Variants in MYRIP observed in about 807,000 individuals in gnomAD.
MYRIP encodes the protein rab effector MyRIP.
Under a neutral mutation model 98.0 loss-of-function variants are expected in MYRIP, and 49 were observed. That is an observed-to-expected ratio of 0.50 (90% CI 0.40 to 0.63). The LOEUF (loss-of-function observed/expected upper bound fraction) is 0.63. Among genes scored for constraint, MYRIP ranks in the 30% least tolerant of loss-of-function variants. The probability of loss-of-function intolerance (pLI) is 0.00; values close to 1 mark genes in which losing one functional copy is unlikely to be tolerated. For missense variants in MYRIP, 1,004 were observed against 1,058.2 expected (o/e 0.95, Z 0.71); for synonymous variants, 404 against 409.5 (o/e 0.99, Z 0.16).
chr3:39,920,875 C>T (rs1368514817), intron 2 of MYRIP, among the ~76,000 whole-genome samples: 2 of 152,136 alleles, frequency 1.3e-5, no homozygotes, highest in African/African-American at 4.8e-5. Context: ...GTCACAAGGG[C>T]CAGTCCTCCT....
chr3:40,151,246 C>T, intron 4 of MYRIP, 62 bp downstream of exon 4: 1 of 1,520,734 alleles, frequency 6.6e-7, no homozygotes, highest in South Asian at 1.3e-5. Flanking sequence ...AGGCCTGGCT[C>T]AGGGGCCCTG....
intron 1 of MYRIP, among the ~76,000 whole-genome samples, chr3:39,842,649 A>T (rs1460779259): frequency 2.0e-5 from 3 of 152,120 alleles, no homozygotes; most frequent in African/African-American, 4.8e-5. Context: ...AAAGCCCAGT[A>T]TCTGGGCTGG....
chr3:40,072,375 A>AT (rs1392623918), intron 3 of MYRIP, among the ~76,000 whole-genome samples: 2 of 151,682 alleles, frequency 1.3e-5, no homozygotes, highest in Non-Finnish European at 2.9e-5. Context: ...CACCCAGCTA[A>AT]TTTTTTGTAT....
intron 2 of MYRIP, among the ~76,000 whole-genome samples, chr3:39,925,011 A>G (rs1287942938): frequency 6.6e-6 from 1 of 151,878 alleles, no homozygotes; most frequent in Non-Finnish European, 1.5e-5. Flanking sequence ...AAAGAGGAAT[A>G]GTCTCAGACC....
intron 2 of MYRIP, among the ~76,000 whole-genome samples, chr3:40,005,654 G>A (rs1286181102): frequency 6.6e-6 from 1 of 152,294 alleles, no homozygotes; most frequent in East Asian, 1.9e-4. Context: ...TATTAGCTGT[G>A]TTGCTTCTCA....
chr3:40,047,645 T>C lies in MYRIP; in HGVS notation c.332+3374T>C, dbSNP rs1175361774. On this transcript the variant is annotated intron_variant, in intron 3 of 16. Coordinates refer to ENST00000302541, the MANE Select transcript of MYRIP (RefSeq NM_015460.4). ...TGGAGAAATTTTGTTCATTCCCTATTTTTCTGTATTGCTCAATTCAATCAC... is the reference window on the plus strand; with the variant it reads ...TGGAGAAATTTTGTTCATTCCCTATCTTTCTGTATTGCTCAATTCAATCAC... Among the ~76,000 whole-genome samples, 5 of 152,192 alleles carry C rather than the reference T, an allele frequency of 3.3e-5. No individual in the cohort carries two copies. The East Asian group carries it at 7.7e-4, about 23-fold the overall frequency.
At chr3:40,194,795 A>G (rs1026827363) in intron 10 of MYRIP, among the ~76,000 whole-genome samples, 7 of 152,112 alleles carry the variant, frequency 4.6e-5, no homozygotes, top group Non-Finnish European at 1.0e-4. Context: ...ATTTTTAATT[A>G]TCTTATACAT....
intron 2 of MYRIP, among the ~76,000 whole-genome samples, chr3:39,914,373 TA>T (rs1559520394): frequency 6.6e-6 from 1 of 151,988 alleles, no homozygotes; most frequent in African/African-American, 2.4e-5. Flanking sequence ...ATCAATCCAT[TA>T]AAAAAGATAC....
chr3:40,174,049 A>G (rs1206690408), intron 8 of MYRIP: 2 of 152,206 alleles, frequency 1.3e-5, no homozygotes, highest in East Asian at 3.9e-4. Flanking sequence ...TTCACAAGAT[A>G]TGTCCACCTT....
At chr3:39,953,128 C>CA (rs540922695) in intron 2 of MYRIP, among the ~76,000 whole-genome samples, 3 of 152,250 alleles carry the variant, frequency 2.0e-5, no homozygotes, top group Admixed American at 2.0e-4. Context: ...CTTTCTGCAG[C>CA]AAAAACTGCA....
chr3:40,233,780 C>A (rs1198919836), intron 11 of MYRIP, 79 bp from the exon 12 acceptor site: 1 of 1,330,572 alleles, frequency 7.5e-7, no homozygotes, highest in East Asian at 2.3e-5. Flanking sequence ...TGATGAGTGT[C>A]ATGATAACAT....
chr3:39,996,102 G>A (rs1001298945), intron 2 of MYRIP, among the ~76,000 whole-genome samples: 2 of 152,146 alleles, frequency 1.3e-5, no homozygotes, highest in Non-Finnish European at 2.9e-5. Flanking sequence ...AGACCATCGA[G>A]GCTAGGAAGG....
intron 1 of MYRIP, among the ~76,000 whole-genome samples, chr3:39,849,954 A>G (rs1359869275): frequency 6.6e-6 from 1 of 152,254 alleles, no homozygotes; most frequent in Non-Finnish European, 1.5e-5. Context: ...GTTCGGATTT[A>G]TAACTTAGAG....
In MYRIP at chr3:39,873,346, G is replaced by T. The variant is rs564623411; in HGVS notation, c.-30-27441G>T. 4.6e-5 allele frequency among the ~76,000 whole-genome samples: 7 copies of T among 152,276 alleles called. No homozygotes were observed. In the East Asian group the frequency reaches 1.4e-3, roughly 29 times the overall value. On this transcript the variant is annotated intron_variant, in intron 1 of 16. Coordinates refer to ENST00000302541, the MANE Select transcript of MYRIP (RefSeq NM_015460.4). ...GTGCAGAAGCTCCTTAGTTTAATGA[G>T]ATCCCATTTGTCAATTTTGGCTTTT... is the stretch of plus-strand genomic sequence containing the variant.
chr3:39,813,951 T>A (rs953212868), intron 1 of MYRIP, among the ~76,000 whole-genome samples: 2 of 152,268 alleles, frequency 1.3e-5, no homozygotes, highest in African/African-American at 2.4e-5. Flanking sequence ...TAACATATAT[T>A]GATCATTGTA....
chr3:40,068,421 A>G (rs185490571), intron 3 of MYRIP, among the ~76,000 whole-genome samples: 1 of 152,198 alleles, frequency 6.6e-6, no homozygotes, highest in East Asian at 1.9e-4. Context: ...ATATCTTATT[A>G]GCCTCTTGAG....
At position 40,259,312 on chromosome 3, in the gene MYRIP, T is replaced by C. The variant is rs941615604; in HGVS notation, c.*1146T>C. 3.3e-5 allele frequency: 5 copies of C among 152,234 alleles called. No homozygotes were observed. The highest frequency in any genetic ancestry group is 7.3e-5 in the Non-Finnish European group (5 of 68,042). The allele number at this position is 152,234 out of a possible 1,614,324, so 9.4% of individuals were successfully genotyped here. ...TGGAACTGAACTTTCACTCAATTAA[T>C]TGGGCATTAACAACCTTCTTTTATG... On this transcript the variant is annotated 3_prime_UTR_variant, in exon 17 of 17. Coordinates refer to ENST00000302541, the MANE Select transcript of MYRIP (RefSeq NM_015460.4).
chr3:40,140,779 G>A (rs1475744512), intron 3 of MYRIP, among the ~76,000 whole-genome samples: 1 of 151,792 alleles, frequency 6.6e-6, no homozygotes, highest in African/African-American at 2.4e-5. Context: ...AATTTTTTGT[G>A]GGTATATAAT....
At chr3:40,158,210 G>A (rs1201922911) in intron 4 of MYRIP, among the ~76,000 whole-genome samples, 1 of 152,002 alleles carries the variant, frequency 6.6e-6, no homozygotes, top group Non-Finnish European at 1.5e-5. Context: ...TGTTCTCGTT[G>A]GTTTCAAAGA....
Sources: allele counts gnomAD v4.1 joint callset (sites outside exome capture counted in the v4.1 genomes callset), GRCh38; gene constraint gnomAD v4.1.1; transcripts MANE v1.5; gene names NCBI Gene and HGNC (gene_info 2026-07-23, HGNC 2026-07-21).